The following C6orf89 variants were observed in gnomAD, a reference collection of about 807,000 sequenced individuals.
C6orf89 encodes the protein bombesin receptor-activated protein C6orf89.
A neutral mutation model predicts 40.7 loss-of-function variants in C6orf89; 29 were observed. That is an observed-to-expected ratio of 0.71 (90% CI 0.53 to 0.97). C6orf89 has a LOEUF of 0.97. Among genes scored for constraint, C6orf89 ranks in the 50% least tolerant of loss-of-function variants. C6orf89 has a pLI of 0.00. For synonymous variants in C6orf89, 165 were observed against 152.2 expected (o/e 1.08, Z -0.62); for missense variants, 392 against 429.1 (o/e 0.91, Z 0.76).
At chr6:36,873,548 G>T (rs1014758849) in intron 1 of C6orf89, among the ~76,000 whole-genome samples, 1 of 152,192 alleles carries the variant, frequency 6.6e-6, no homozygotes, top group African/African-American at 2.4e-5. Context: ...CAGGAAGGAG[G>T]TGACTTTCAC....
Position 36,914,688 on chromosome 6 carries a change from T to C in C6orf89, c.690T>C (p.Tyr230=). ...CFPERWFPFP[Y]PWRRPLNRSQ... is the part of the protein sequence containing the mutation. ...CTGAGCGGTGGTTCCCATTTCCTTATCCATGGTGAGTGTGAAAAGGGCCGG... is the reference window on the plus strand; with the variant it reads ...CTGAGCGGTGGTTCCCATTTCCTTACCCATGGTGAGTGTGAAAAGGGCCGG... Residue 230 remains tyrosine, a synonymous_variant, in exon 6 of 9, where the codon TAT becomes TAC. Transcript: ENST00000480824. 1.2e-6 allele frequency: 2 copies of C among 1,613,808 alleles called. No homozygotes were observed. Among genetic ancestry groups the C allele is most frequent in the Non-Finnish European group, 1.7e-6 (2 of 1,179,752 alleles).
intron 7 of C6orf89, among the ~76,000 whole-genome samples, chr6:36,917,228 T>G (rs139689312): frequency 2.6e-5 from 4 of 152,198 alleles, no homozygotes; most frequent in Admixed American, 2.0e-4. Context: ...TTAAGAGATT[T>G]CAGGTAGAGA....
chr6:36,921,979 G>C (rs974093911), intron 8 of C6orf89, among the ~76,000 whole-genome samples: 7 of 152,164 alleles, frequency 4.6e-5, no homozygotes, highest in African/African-American at 1.4e-4. Context: ...AGTGAGCTAT[G>C]ACTGCACCGC....
intron 1 of C6orf89, among the ~76,000 whole-genome samples, chr6:36,889,417 A>AAGGG (rs1037486252): frequency 2.0e-5 from 3 of 152,274 alleles, no homozygotes; most frequent in South Asian, 2.1e-4. Context: ...CTTTCCTCTG[A>AAGGG]AGGGAGGGAG....
At chr6:36,908,122 A>G (rs1390544290) in intron 4 of C6orf89, among the ~76,000 whole-genome samples, 3 of 152,206 alleles carry the variant, frequency 2.0e-5, no homozygotes, top group Non-Finnish European at 4.4e-5. Context: ...CTTATGCTTT[A>G]TCCACCTTGG....
chr6:36,882,734 CTTTT>C (rs1178360256), upstream of C6orf89, among the ~76,000 whole-genome samples: 1 of 46,334 alleles, frequency 2.2e-5, no homozygotes, highest in African/African-American at 6.1e-5. Context: ...TTTCTTTTTT[CTTTT>C]TTTTTTTTTT....
intron 3 of C6orf89, among the ~76,000 whole-genome samples, chr6:36,902,003 A>G (rs887637262): frequency 3.3e-5 from 5 of 152,240 alleles, no homozygotes; most frequent in Admixed American, 2.6e-4. Context: ...TTTAAAATAC[A>G]CTGATTATAT....
intron 8 of C6orf89, among the ~76,000 whole-genome samples, chr6:36,922,340 CA>C (rs928760576): frequency 4.2e-4 from 54 of 128,376 alleles, no homozygotes; most frequent in Middle Eastern, 4.1e-3. Context: ...AACTCCGTCT[CA>C]AAAAAAAAAA....
intron 8 of C6orf89, among the ~76,000 whole-genome samples, chr6:36,923,103 G>T (rs536848095): frequency 6.6e-6 from 1 of 152,246 alleles, no homozygotes; most frequent in South Asian, 2.1e-4. Context: ...GGCTGAGGCA[G>T]GAGAATCACT....
chr6:36,891,653 T>C (rs1411568505), intron 1 of C6orf89, among the ~76,000 whole-genome samples: 2 of 152,212 alleles, frequency 1.3e-5, no homozygotes. Context: ...TAAAATAGAA[T>C]GGAATATATT....
chr6:36,917,008 T>G (rs1762346613), intron 7 of C6orf89, among the ~76,000 whole-genome samples: 1 of 151,994 alleles, frequency 6.6e-6, no homozygotes, highest in African/African-American at 2.4e-5. Context: ...GCCTAGGAGT[T>G]TCAGACCAGC....
At position 36,923,570 on chromosome 6, in the gene C6orf89, G is replaced by A; in HGVS notation, c.*129G>A. ...TTAGTTACCTGCCCTTTGCATGCATGTGTGAACCAGCTGTGAGCTGCAAGG... is the reference window on the plus strand; with the variant it reads ...TTAGTTACCTGCCCTTTGCATGCATATGTGAACCAGCTGTGAGCTGCAAGG... On this transcript the variant is annotated 3_prime_UTR_variant, in exon 9 of 9. Coordinates refer to ENST00000480824, the MANE Select transcript of C6orf89 (RefSeq NM_001286635.2). 1.4e-6 allele frequency: 1 copy of A among 734,722 alleles called. No individual in the cohort carries two copies. Among genetic ancestry groups the A allele is most frequent in the Non-Finnish European group, 2.5e-6 (1 of 406,412 alleles). The allele number at this position is 734,722 out of a possible 1,614,324, so 45.5% of individuals were successfully genotyped here. A position where few individuals can be genotyped will look rare whatever the true frequency, so the allele number is the denominator to read the frequency against.
chr6:36,916,352 G>A (rs1762321007), intron 6 of C6orf89, 93 bp from the exon 7 acceptor site: 20 of 1,492,284 alleles, frequency 1.3e-5, no homozygotes, highest in South Asian at 3.6e-5. Context: ...TTTACCCACC[G>A]CCCACAGTTT....
Position 36,927,489 on chromosome 6 carries a change from G to A in C6orf89, c.*4048G>A, listed in dbSNP as rs180685210. 1 of 152,280 alleles carries A rather than the reference G, an allele frequency of 6.6e-6. No homozygotes were observed. Among genetic ancestry groups the A allele is most frequent in the East Asian group, 1.9e-4 (1 of 5,180 alleles). The allele number at this position is 152,280 out of a possible 1,614,324, so 9.4% of individuals were successfully genotyped here. A position where few individuals can be genotyped will look rare whatever the true frequency, so the allele number is the denominator to read the frequency against. ...AGAGAGGCAATTTTGTCTACCTTTC[G>A]AGAATCAGTTATAAACAGAAGGGCC... On this transcript the variant is annotated 3_prime_UTR_variant, in exon 9 of 9. Transcript: ENST00000480824.
intron 2 of C6orf89, among the ~76,000 whole-genome samples, chr6:36,879,690 A>AC (rs1228426510): frequency 6.6e-6 from 1 of 151,762 alleles, no homozygotes; most frequent in African/African-American, 2.4e-5. Flanking sequence ...CGGGCTTAGG[A>AC]CCCCACAAGC....
intron 4 of C6orf89, among the ~76,000 whole-genome samples, chr6:36,903,681 A>G (rs887312808): frequency 6.6e-6 from 1 of 152,152 alleles, no homozygotes; most frequent in Admixed American, 6.5e-5. Flanking sequence ...GGATGGTCTC[A>G]TAATGTCATT....
chr6:36,911,577 C>G (rs1480223419), intron 4 of C6orf89, among the ~76,000 whole-genome samples: 1 of 152,052 alleles, frequency 6.6e-6, no homozygotes, highest in Admixed American at 6.6e-5. Context: ...CGGTGCTAGC[C>G]CATGCAGCAC....
chr6:36,920,215 T>A lies in C6orf89; in HGVS notation c.949+514T>A, dbSNP rs138530161. On this transcript the variant is annotated intron_variant, in intron 8 of 8. Coordinates refer to ENST00000480824, the MANE Select transcript of C6orf89 (RefSeq NM_001286635.2). ...AAGGAAATGTTACCTTCTGTGTGGCTGCCACAGCCAAGTCACAGCCTCACA... is the reference window on the plus strand; with the variant it reads ...AAGGAAATGTTACCTTCTGTGTGGCAGCCACAGCCAAGTCACAGCCTCACA... Among the ~76,000 whole-genome samples, 212 of 152,348 alleles carry A rather than the reference T, an allele frequency of 1.4e-3. 3 individuals are homozygous for A. Among genetic ancestry groups the A allele is most frequent in the Non-Finnish European group, 2.9e-4 (20 of 68,036 alleles).
At chr6:36,921,988 G>A (rs576500341) in intron 8 of C6orf89, among the ~76,000 whole-genome samples, 5 of 152,202 alleles carry the variant, frequency 3.3e-5, no homozygotes, top group South Asian at 4.1e-4. Context: ...TGACTGCACC[G>A]CTGCACTCCA....
Sources: gnomAD v4.1 joint callset for allele counts (sites outside exome capture counted in the v4.1 genomes callset) on GRCh38, gnomAD v4.1.1 for gene constraint, MANE v1.5 for transcripts, NCBI Gene and HGNC (gene_info 2026-07-23, HGNC 2026-07-21) for gene names.